SNTB1: variants seen among roughly 807,000 people sequenced by gnomAD.
SNTB1 encodes beta-1-syntrophin.
SNTB1 carries 36 observed loss-of-function variants against 48.9 expected under a neutral mutation model. The ratio of observed to expected loss-of-function variants is 0.74; its 90% CI spans 0.56 to 0.97. The LOEUF (loss-of-function observed/expected upper bound fraction) is 0.97. Among genes scored for constraint, SNTB1 ranks in the 50% least tolerant of loss-of-function variants. SNTB1 has a pLI of 0.00. For synonymous variants in SNTB1, 299 were observed against 294.6 expected (o/e 1.01, Z -0.15); for missense variants, 786 against 703.4 (o/e 1.12, Z -1.33).
intron 1 of SNTB1, among the ~76,000 whole-genome samples, chr8:120,721,414 C>A (rs1001252190): frequency 6.6e-6 from 1 of 152,138 alleles, no homozygotes; most frequent in South Asian, 2.1e-4. Context: ...AATGATGTTA[C>A]AAATACCTGT....
chr8:120,565,972 G>T (rs1203055593), intron 4 of SNTB1, among the ~76,000 whole-genome samples: 1 of 152,116 alleles, frequency 6.6e-6, no homozygotes, highest in Non-Finnish European at 1.5e-5. Context: ...ACTTTGGGAG[G>T]CTGAGGAAGG....
intron 1 of SNTB1, among the ~76,000 whole-genome samples, chr8:120,723,083 G>T (rs1818693831): frequency 1.3e-5 from 2 of 152,116 alleles, no homozygotes; most frequent in Non-Finnish European, 2.9e-5. Context: ...GATGTGCGGT[G>T]TTATTTCTGA....
intron 3 of SNTB1, among the ~76,000 whole-genome samples, chr8:120,613,282 T>C (rs1185616351): frequency 1.3e-5 from 2 of 151,006 alleles, no homozygotes; most frequent in Non-Finnish European, 1.5e-5. Flanking sequence ...ACCCAGGAGG[T>C]GGAGGCTGCA....
intron 2 of SNTB1, among the ~76,000 whole-genome samples, chr8:120,653,589 C>T (rs1817445045): frequency 6.6e-6 from 1 of 152,180 alleles, no homozygotes; most frequent in Non-Finnish European, 1.5e-5. Flanking sequence ...AACTATTACA[C>T]AAATACATCA....
intron 5 of SNTB1, among the ~76,000 whole-genome samples, chr8:120,544,077 C>G (rs1815337422): frequency 6.6e-6 from 1 of 151,898 alleles, no homozygotes; most frequent in Admixed American, 6.6e-5. Context: ...AGGCATGTGT[C>G]CCATGACTGA....
intron 4 of SNTB1, 57 bp from the exon 5 acceptor site, chr8:120,549,015 A>T (rs1488967745): frequency 1.4e-6 from 2 of 1,424,038 alleles, no homozygotes; most frequent in Non-Finnish European, 1.9e-6. Context: ...TTCACCTGGC[A>T]TATCACCTTG....
chr8:120,665,545 T>A (rs769505375), intron 2 of SNTB1, among the ~76,000 whole-genome samples: 6 of 152,198 alleles, frequency 3.9e-5, no homozygotes, highest in Non-Finnish European at 8.8e-5. Flanking sequence ...TTGGCTTGTG[T>A]TTTTATTCTC....
intron 1 of SNTB1, among the ~76,000 whole-genome samples, chr8:120,741,898 G>A (rs1819047282): frequency 6.6e-6 from 1 of 152,200 alleles, no homozygotes; most frequent in Non-Finnish European, 1.5e-5. Flanking sequence ...GGTGGAGTAT[G>A]CCATAAAGAC....
chr8:120,571,414 G>A (rs1815842066), intron 4 of SNTB1: 6 of 1,048,348 alleles, frequency 5.7e-6, no homozygotes, highest in Non-Finnish European at 7.8e-6. Flanking sequence ...GAATTCTCAT[G>A]GACCCCAAGG....
At chr8:120,605,078 A>T (rs4514023) in intron 3 of SNTB1, among the ~76,000 whole-genome samples, 35,899 of 152,084 alleles carry the variant, frequency 0.24, 4,381 homozygotes, top group African/African-American at 0.29. Context: ...GTGGTCCTGA[A>T]TTGGTCACTG....
intron 1 of SNTB1, among the ~76,000 whole-genome samples, chr8:120,708,585 C>A (rs867636151): frequency 2.6e-5 from 4 of 151,978 alleles, no homozygotes; most frequent in South Asian, 4.2e-4. Flanking sequence ...CCAAGTCCAA[C>A]AATATATATA....
intron 3 of SNTB1, among the ~76,000 whole-genome samples, chr8:120,612,005 CCAAA>C (rs1816634045): frequency 1.3e-5 from 2 of 152,052 alleles, no homozygotes; most frequent in South Asian, 4.1e-4. Context: ...ACAAGTCCCT[CCAAA>C]CAGAGTGAGT....
chr8:120,810,054 A>C (rs1210945112), intron 1 of SNTB1, among the ~76,000 whole-genome samples: 1 of 152,188 alleles, frequency 6.6e-6, no homozygotes, highest in South Asian at 2.1e-4. Context: ...ATCAATCACC[A>C]TATTACAAGG....
intron 3 of SNTB1, among the ~76,000 whole-genome samples, chr8:120,603,020 CA>C (rs1816447920): frequency 6.6e-6 from 1 of 151,964 alleles, no homozygotes; most frequent in Non-Finnish European, 1.5e-5. Flanking sequence ...CAATTATTCT[CA>C]GTTATTTTTG....
intron 1 of SNTB1, among the ~76,000 whole-genome samples, chr8:120,748,258 G>A (rs1819158484): frequency 6.6e-6 from 1 of 152,150 alleles, no homozygotes; most frequent in Non-Finnish European, 1.5e-5. Context: ...TATTAGATCA[G>A]GAAGTTGTTT....
chr8:120,566,865 C>T (rs1815758343), intron 4 of SNTB1, among the ~76,000 whole-genome samples: 1 of 152,182 alleles, frequency 6.6e-6, no homozygotes, highest in Non-Finnish European at 1.5e-5. Flanking sequence ...TTAGGGGTAA[C>T]AATTCCCTTG....
intron 3 of SNTB1, among the ~76,000 whole-genome samples, chr8:120,591,361 C>CT (rs144263349): frequency 0.027 from 4,048 of 152,134 alleles, 173 homozygotes; most frequent in African/African-American, 0.093. Flanking sequence ...AAATTGGTGA[C>CT]TTTTTCATTA....
At chr8:120,702,551 C>G (rs535352439) in intron 1 of SNTB1, among the ~76,000 whole-genome samples, 1 of 151,818 alleles carries the variant, frequency 6.6e-6, no homozygotes, top group South Asian at 2.1e-4. Flanking sequence ...CCTGACACCT[C>G]AGGCATGCCT....
At chr8:120,800,889 A>G (rs754581302) in intron 1 of SNTB1, among the ~76,000 whole-genome samples, 23 of 152,114 alleles carry the variant, frequency 1.5e-4, no homozygotes, top group Non-Finnish European at 2.6e-4. Flanking sequence ...TGATATATCA[A>G]GAAAAAGCAG....
Sources: allele counts gnomAD v4.1 joint callset (sites outside exome capture counted in the v4.1 genomes callset), GRCh38; gene constraint gnomAD v4.1.1; transcripts MANE v1.5; gene names NCBI Gene and HGNC (gene_info 2026-07-23, HGNC 2026-07-21).